The following KIAA0586 variants were observed in gnomAD, a reference collection of about 807,000 sequenced individuals.
The protein encoded by KIAA0586 is KIAA0586.
A neutral mutation model predicts 169.8 loss-of-function variants in KIAA0586; 144 were observed. The ratio of observed to expected loss-of-function variants is 0.85; its 90% confidence interval spans 0.74 to 0.97. KIAA0586 has a LOEUF of 0.97. KIAA0586 is among the 50% of genes least tolerant of loss of function. The pLI is 0.00. For missense variants in KIAA0586, 1,854 were observed against 1,823.0 expected (o/e 1.02, Z -0.31); for synonymous variants, 625 against 612.4 (o/e 1.02, Z -0.30).
intron 26 of KIAA0586, among the ~76,000 whole-genome samples, chr14:58,495,717 C>T (rs1473365707): frequency 6.6e-6 from 1 of 151,990 alleles, no homozygotes; most frequent in Non-Finnish European, 1.5e-5. Context: ...TTCTTTTTAC[C>T]TACTATGTAG....
chr14:58,523,688 G>A (rs557064240), intron 29 of KIAA0586, among the ~76,000 whole-genome samples: 6 of 151,282 alleles, frequency 4.0e-5, no homozygotes, highest in Non-Finnish European at 7.4e-5. Context: ...TTGTGATTAC[G>A]ATTAGGAGTA....
intron 27 of KIAA0586, among the ~76,000 whole-genome samples, chr14:58,499,841 G>A (rs1483203154): frequency 6.6e-6 from 1 of 152,066 alleles, no homozygotes; most frequent in African/African-American, 2.4e-5. Flanking sequence ...TTACAGGCAT[G>A]AGCCACCATG....
intron 8 of KIAA0586, 62 bp downstream of exon 8, chr14:58,450,808 C>G: frequency 1.0e-6 from 1 of 962,620 alleles, no homozygotes; most frequent in South Asian, 1.5e-5. Flanking sequence ...TTTTCTGTGC[C>G]TAGTAGTAAC....
chr14:58,530,027 A>G (rs2045859055), intron 29 of KIAA0586, among the ~76,000 whole-genome samples: 1 of 152,212 alleles, frequency 6.6e-6, no homozygotes, highest in South Asian at 2.1e-4. Flanking sequence ...TACAAAATCA[A>G]TGTGCAAAAA....
intron 9 of KIAA0586, 104 bp from the exon 10 acceptor site, chr14:58,456,598 G>C (rs2039871261): frequency 3.0e-6 from 2 of 656,582 alleles, no homozygotes; most frequent in Non-Finnish European, 5.5e-6. Flanking sequence ...ATATAGCTAA[G>C]ACTGTATCAA....
chr14:58,545,927 G>A (rs1048182005), intron 30 of KIAA0586, among the ~76,000 whole-genome samples: 3 of 152,024 alleles, frequency 2.0e-5, no homozygotes, highest in African/African-American at 7.3e-5. Context: ...CTAACTACTT[G>A]GGAGGCTGAG....
At chr14:58,484,894 A>ATATATATATTTATATATATATTTT (rs1397286434) in intron 21 of KIAA0586, among the ~76,000 whole-genome samples, 60 of 5,830 alleles carry the variant, frequency 0.01, 8 homozygotes, top group African/African-American at 0.012. Context: ...ATATATTTAT[A>ATATATATATTTATATATATATTTT]TATATATATA....
At chr14:58,477,070 A>G (rs756583165) in intron 19 of KIAA0586, 53 bp from the exon 20 acceptor site, 3 of 983,736 alleles carry the variant, frequency 3.0e-6, no homozygotes, top group Non-Finnish European at 4.7e-6. Context: ...CATTTTTTAC[A>G]TTTCAATCAA....
intron 17 of KIAA0586, among the ~76,000 whole-genome samples, chr14:58,471,421 T>C (rs979684154): frequency 6.6e-6 from 1 of 152,244 alleles, no homozygotes; most frequent in Non-Finnish European, 1.5e-5. Context: ...TACAAAAATA[T>C]GCATTTCTTC....
intron 4 of KIAA0586, among the ~76,000 whole-genome samples, chr14:58,438,853 T>C (rs1005556351): frequency 6.6e-6 from 1 of 152,138 alleles, no homozygotes; most frequent in Non-Finnish European, 1.5e-5. Flanking sequence ...GCATGGTATA[T>C]GTAGTTAGTG....
At chr14:58,484,902 A>ATATATATTTT (rs2042302387) in intron 21 of KIAA0586, among the ~76,000 whole-genome samples, 11 of 12,466 alleles carry the variant, frequency 8.8e-4, no homozygotes, top group South Asian at 2.8e-3. Flanking sequence ...ATATATATAT[A>ATATATATTTT]TATATATATA....
downstream of KIAA0586, among the ~76,000 whole-genome samples, chr14:58,554,291 G>A (rs1247361050): frequency 2.0e-5 from 3 of 152,106 alleles, no homozygotes; most frequent in East Asian, 5.8e-4. Flanking sequence ...TCGCATACTA[G>A]GGAACATGCA....
intron 25 of KIAA0586, among the ~76,000 whole-genome samples, chr14:58,490,459 T>TA (rs1276308944): frequency 6.6e-6 from 1 of 152,152 alleles, no homozygotes; most frequent in Non-Finnish European, 1.5e-5. Context: ...GCTCTAGTAG[T>TA]AAAAAAATAT....
chr14:58,480,418 A>C (rs983768047), intron 20 of KIAA0586, among the ~76,000 whole-genome samples: 1 of 148,872 alleles, frequency 6.7e-6, no homozygotes, highest in Non-Finnish European at 1.5e-5. Context: ...GAATAAAATT[A>C]TTTCCCTAGT....
downstream of KIAA0586, among the ~76,000 whole-genome samples, chr14:58,551,892 C>T (rs980942213): frequency 1.3e-5 from 2 of 152,002 alleles, no homozygotes; most frequent in Non-Finnish European, 2.9e-5. Context: ...AATATTTCTG[C>T]GATGTTACTA....
chr14:58,454,005 GA>G (rs1175316288), intron 9 of KIAA0586, among the ~76,000 whole-genome samples: 1 of 152,106 alleles, frequency 6.6e-6, no homozygotes, highest in Admixed American at 6.5e-5. Flanking sequence ...ATTTTATGTG[GA>G]GATATTGTAT....
intron 15 of KIAA0586, among the ~76,000 whole-genome samples, chr14:58,466,860 A>G (rs1387810819): frequency 6.6e-6 from 1 of 152,222 alleles, no homozygotes; most frequent in Non-Finnish European, 1.5e-5. Flanking sequence ...CTAGGCTATC[A>G]TAAGTGAAAG....
At chr14:58,496,875 G>A (rs1399806512) in intron 26 of KIAA0586, among the ~76,000 whole-genome samples, 1 of 152,018 alleles carries the variant, frequency 6.6e-6, no homozygotes, top group African/African-American at 2.4e-5. Flanking sequence ...GTCATAAAAT[G>A]TACTAGTGAT....
the KIAA0586 span, among the ~76,000 whole-genome samples, chr14:58,560,337 A>C: frequency 3.5e-4 from 54 of 152,180 alleles, no homozygotes; most frequent in Non-Finnish European, 6.9e-4. Flanking sequence ...TAATGGTGAG[A>C]TCATTCACAT....
Sources: gnomAD v4.1 joint callset for allele counts (sites outside exome capture counted in the v4.1 genomes callset) on GRCh38, gnomAD v4.1.1 for gene constraint, MANE v1.5 for transcripts, NCBI Gene and HGNC (gene_info 2026-07-23, HGNC 2026-07-21) for gene names.